The following ATP13A4 variants were observed in gnomAD, a reference collection of about 807,000 sequenced individuals.
ATP13A4 encodes probable cation-transporting ATPase 13A4.
In ATP13A4, 114 loss-of-function variants were observed where a neutral mutation model predicts 142.5. The ratio of observed to expected loss-of-function variants is 0.80; its 90% CI spans 0.69 to 0.93. The LOEUF (loss-of-function observed/expected upper bound fraction) is 0.93. ATP13A4 is among the 40% of genes least tolerant of loss of function. The pLI is 0.00. For synonymous variants in ATP13A4, 488 were observed against 514.8 expected, an observed-to-expected ratio of 0.95 and a Z score of 0.70; for missense variants, 1,392 against 1,454.0, an observed-to-expected ratio of 0.96 and a Z score of 0.69.
Position 193,464,983 on chromosome 3 carries a change from C to T in ATP13A4, c.1418G>A (p.Arg473Lys). 6.2e-7 allele frequency: 1 copy of T among 1,614,100 alleles called. No homozygotes were observed. The change falls in exon 12 of 30, where the codon AGG becomes AAG. Residue 473 changes from arginine (R) to lysine (K), a missense_variant. Coordinates refer to ENST00000342695, the MANE Select transcript of ATP13A4 (RefSeq NM_032279.4). Reference protein sequence around the residue: ...KRGIFCISPQRINVCGQLNLV... With the variant: ...KRGIFCISPQKINVCGQLNLV... ...GTTTAACTGTCCACATACGTTGATC[C>T]TCTGGGGGCTAATGCAGAAGATGCC... is the stretch of plus-strand genomic sequence containing the variant.
chr3:193,436,099 T>C (rs1262628509), intron 23 of ATP13A4, among the ~76,000 whole-genome samples: 1 of 152,244 alleles, frequency 6.6e-6, no homozygotes, highest in Non-Finnish European at 1.5e-5. Context: ...AGAAGATCAT[T>C]TCCCTTGTCT....
rs1038383916 is a variant in ATP13A4, at chr3:193,529,475, A to G, written c.61-14604T>C. On this transcript the variant is annotated intron_variant, in intron 1 of 29. Transcript: ENST00000342695. Reference sequence around the variant, plus strand: ...ACAAAAGAAAGGGGCAAAATATCAGACATCTCATATAATTATCATTGAACT... The same window carrying G: ...ACAAAAGAAAGGGGCAAAATATCAGGCATCTCATATAATTATCATTGAACT... Among the ~76,000 whole-genome samples, 22 of 152,080 alleles carry G rather than the reference A, an allele frequency of 1.4e-4. 1 individual carries two copies. The highest frequency in any genetic ancestry group is 4.3e-4 in the African/African-American group (18 of 41,430).
At chr3:193,584,397 T>G (rs1209614511) in intron 1 of ATP13A4, among the ~76,000 whole-genome samples, 2 of 152,196 alleles carry the variant, frequency 1.3e-5, no homozygotes, top group African/African-American at 2.4e-5. Context: ...TAGAGACCCA[T>G]TTCTTATTTC....
At chr3:193,538,092 C>A (rs1163191718) in intron 1 of ATP13A4, among the ~76,000 whole-genome samples, 1 of 152,050 alleles carries the variant, frequency 6.6e-6, no homozygotes, top group Non-Finnish European at 1.5e-5. Context: ...TAAGACATTG[C>A]CAATGGGGGA....
chr3:193,515,013 G>C lies in ATP13A4; in HGVS notation c.61-142C>G, dbSNP rs78764286. ...GAGAGGGCAGGGTGAGGCATGGAGA[G>C]AGTGGAGAGGAAATCTTGACAAAGA... On this transcript the variant is annotated intron_variant, in intron 1 of 29. Transcript: ENST00000342695. 6,953 of 840,942 alleles carry C rather than the reference G, an allele frequency of 8.3e-3. 148 individuals carry two copies. The highest frequency in any genetic ancestry group is 0.069 in the East Asian group (2,590 of 37,296). 52.1% of individuals were successfully genotyped at this position (840,942 alleles called of 1,614,324 possible).
chr3:193,440,693 A>G, intron 20 of ATP13A4, 56 bp from the exon 21 acceptor site: 1 of 1,553,608 alleles, frequency 6.4e-7, no homozygotes, highest in Non-Finnish European at 8.9e-7. Context: ...TGTACATGAA[A>G]TAATTACTAA....
chr3:193,406,551 G>A (rs577496564), intron 29 of ATP13A4, among the ~76,000 whole-genome samples: 45 of 152,352 alleles, frequency 3.0e-4, no homozygotes, highest in African/African-American at 1.0e-3. Context: ...CAGGGAGAGC[G>A]TGAATCACGT....
In ATP13A4 at chr3:193,402,902, TGA is replaced by T. The variant is rs1444180635; in HGVS notation, c.3379-40_3379-39del. ...ATAATTACTTTTTACAAGCAAGGGT[TGA>T]GTGTTTTGAGGCTACAGCCCTCCAC... On this transcript the variant is annotated intron_variant, in intron 29 of 29. Transcript: ENST00000342695. The T allele has an allele frequency of 1.9e-6, 3 of 1,578,536 alleles. No homozygotes were observed. In the African/African-American group the frequency reaches 4.1e-5, roughly 21 times the overall value.
At chr3:193,506,124 A>C (rs1720849972) in intron 2 of ATP13A4, among the ~76,000 whole-genome samples, 1 of 152,172 alleles carries the variant, frequency 6.6e-6, no homozygotes, top group South Asian at 2.1e-4. Context: ...AAACTCTAAA[A>C]GTCTCTCAAT....
chr3:193,484,735 C>G (rs768160004), intron 7 of ATP13A4, among the ~76,000 whole-genome samples: 1 of 152,076 alleles, frequency 6.6e-6, no homozygotes, highest in Non-Finnish European at 1.5e-5. Flanking sequence ...AATCAACAAA[C>G]ATTTATTGAG....
rs1236715808 is a variant in ATP13A4 at position 193,470,976 on chromosome 3, C to T, written c.826G>A (p.Glu276Lys). The T allele has an allele frequency of 4.3e-6, 7 of 1,614,144 alleles. No homozygotes were observed. Among genetic ancestry groups the T allele is most frequent in the Non-Finnish European group, 5.1e-6 (6 of 1,180,002 alleles). Residue 276 changes from glutamate (E) to lysine (K), a missense_variant, in exon 9 of 30, where the codon GAA becomes AAA. Coordinates refer to ENST00000342695, the MANE Select transcript of ATP13A4 (RefSeq NM_032279.4). Reference sequence around the variant, plus strand: ...TCTCCAGGCACCAGGACGCGTGATTCCAGCTCTTGAACTCCAGCTGAAAGT... The same window carrying T: ...TCTCCAGGCACCAGGACGCGTGATTTCAGCTCTTGAACTCCAGCTGAAAGT... The part of the protein sequence containing the change: ...CGRKAGVQEL[E>K]SRVLVPGDLL...
intron 1 of ATP13A4, among the ~76,000 whole-genome samples, chr3:193,538,009 G>T (rs557564312): frequency 6.6e-6 from 1 of 152,060 alleles, no homozygotes; most frequent in Non-Finnish European, 1.5e-5. Context: ...GTTTCCTCGC[G>T]GTGATGGAAA....
intron 1 of ATP13A4, among the ~76,000 whole-genome samples, chr3:193,536,411 C>T (rs749261679): frequency 1.3e-5 from 2 of 151,974 alleles, no homozygotes; most frequent in Admixed American, 6.6e-5. Context: ...ATCACATGGT[C>T]ACACCAAAGT....
At chr3:193,409,176 G>A (rs1714647538) in intron 28 of ATP13A4, among the ~76,000 whole-genome samples, 3 of 152,098 alleles carry the variant, frequency 2.0e-5, no homozygotes, top group Admixed American at 6.5e-5. Flanking sequence ...AAATTTTTAA[G>A]TAAGCAGTTT....
chr3:193,520,337 T>C (rs953882550), intron 1 of ATP13A4, among the ~76,000 whole-genome samples: 2 of 152,216 alleles, frequency 1.3e-5, no homozygotes, highest in Non-Finnish European at 2.9e-5. Context: ...GGAGAAAACA[T>C]AGCAACTCCC....
intron 13 of ATP13A4, among the ~76,000 whole-genome samples, chr3:193,461,723 GA>G (rs977605146): frequency 2.0e-4 from 30 of 152,146 alleles, no homozygotes; most frequent in Non-Finnish European, 3.8e-4. Context: ...AGTGTTAGAG[GA>G]AAAAACTTTC....
chr3:193,493,643 G>A (rs1457530246), intron 3 of ATP13A4, among the ~76,000 whole-genome samples: 1 of 152,114 alleles, frequency 6.6e-6, no homozygotes, highest in Non-Finnish European at 1.5e-5. Flanking sequence ...AAAATAGAAA[G>A]TATTTTAAAG....
chr3:193,437,397 A>G (rs141849860), intron 23 of ATP13A4, among the ~76,000 whole-genome samples: 56 of 152,234 alleles, frequency 3.7e-4, no homozygotes, highest in African/African-American at 1.3e-3. Context: ...CTAAATGCCT[A>G]CTCACTAAAG....
intron 1 of ATP13A4, among the ~76,000 whole-genome samples, chr3:193,585,231 A>G (rs143602879): frequency 6.6e-6 from 1 of 151,140 alleles, no homozygotes; most frequent in South Asian, 2.1e-4. Flanking sequence ...CAGACTGACC[A>G]ACATGGTGAA....
Sources: allele counts gnomAD v4.1 joint callset (sites outside exome capture counted in the v4.1 genomes callset), GRCh38; gene constraint gnomAD v4.1.1; transcripts MANE v1.5; gene names NCBI Gene and HGNC (gene_info 2026-07-23, HGNC 2026-07-21).